SEMA3D: variants seen among roughly 807,000 people sequenced by gnomAD.
SEMA3D encodes the protein semaphorin-3D.
SEMA3D carries 84 observed loss-of-function variants against 100.1 expected under a neutral mutation model. The observed-to-expected ratio is 0.84, with a 90% confidence interval of 0.70 to 1.01. SEMA3D has a LOEUF of 1.01. Among genes scored for constraint, SEMA3D ranks in the 50% least tolerant of loss-of-function variants. The pLI is 0.00. For synonymous variants in SEMA3D, 312 were observed against 320.7 expected (o/e 0.97, Z 0.29); for missense variants, 875 against 934.1 (o/e 0.94, Z 0.82).
In SEMA3D at chr7:84,999,129, G is replaced by T. The variant is rs559187786; in HGVS notation, c.*311C>A. On this transcript the variant is annotated 3_prime_UTR_variant, in exon 19 of 19. Coordinates refer to ENST00000284136, the MANE Select transcript of SEMA3D (RefSeq NM_001384900.1). ...CACCTTATACACTATCAAATTCGGG[G>T]CTTGCTTAGCTCAACTATTTACATG... The T allele has an allele frequency of 1.7e-4, 60 of 350,108 alleles. No individual in the cohort carries two copies. The highest frequency in any genetic ancestry group is 5.2e-4 in the South Asian group (14 of 26,986). The allele number at this position is 350,108 out of a possible 1,614,324, so 21.7% of individuals were successfully genotyped here.
At chr7:85,226,977 G>T in the SEMA3D span, among the ~76,000 whole-genome samples, 1 of 152,122 alleles carries the variant, frequency 6.6e-6, no homozygotes, top group South Asian at 2.1e-4. Flanking sequence ...TAAGCGCAAT[G>T]ACCTTTATGT....
chr7:85,174,616 C>A (rs1457234353), intron 1 of SEMA3D, among the ~76,000 whole-genome samples: 2 of 152,068 alleles, frequency 1.3e-5, no homozygotes, highest in Non-Finnish European at 2.9e-5. Context: ...CCTTGAGAAA[C>A]AATCTTGTGG....
chr7:85,179,980 A>G (rs1352202261), intron 1 of SEMA3D, among the ~76,000 whole-genome samples: 1 of 152,158 alleles, frequency 6.6e-6, no homozygotes, highest in East Asian at 1.9e-4. Flanking sequence ...CTTTTGAGTT[A>G]ATGCTGAAAT....
the SEMA3D span, among the ~76,000 whole-genome samples, chr7:85,243,206 T>C: frequency 6.6e-6 from 1 of 152,192 alleles, no homozygotes; most frequent in Admixed American, 6.5e-5. Flanking sequence ...AAGCCTTGTT[T>C]ATGGGGACAG....
At chr7:85,235,151 T>C in the SEMA3D span, among the ~76,000 whole-genome samples, 2 of 152,292 alleles carry the variant, frequency 1.3e-5, no homozygotes, top group South Asian at 2.1e-4. Context: ...GGTATTATTT[T>C]CCCTTTCTAG....
the SEMA3D span, among the ~76,000 whole-genome samples, chr7:85,228,300 G>T: frequency 2.6e-5 from 4 of 152,018 alleles, no homozygotes; most frequent in Non-Finnish European, 4.4e-5. Flanking sequence ...GATAAAAATC[G>T]CGAAAGAAAC....
chr7:85,008,524 C>G (rs1789863471), intron 17 of SEMA3D, among the ~76,000 whole-genome samples: 1 of 151,736 alleles, frequency 6.6e-6, no homozygotes, highest in Admixed American at 6.6e-5. Flanking sequence ...ATTATATACA[C>G]ATACACACAC....
intron 3 of SEMA3D, among the ~76,000 whole-genome samples, chr7:85,113,382 A>G (rs1789148211): frequency 6.6e-6 from 1 of 152,100 alleles, no homozygotes. Context: ...CCAAGCTCCT[A>G]TGGATTCAGA....
At chr7:85,103,234 T>C (rs779119039) in intron 3 of SEMA3D, among the ~76,000 whole-genome samples, 4 of 152,000 alleles carry the variant, frequency 2.6e-5, no homozygotes, top group Non-Finnish European at 4.4e-5. Context: ...AGAGCCTGTA[T>C]CTTAACACGT....
Position 85,018,906 on chromosome 7 carries a change from TA to T in SEMA3D, c.1504-614del, listed in dbSNP as rs1428849340. 2.0e-5 allele frequency among the ~76,000 whole-genome samples: 3 copies of T among 151,706 alleles called. No homozygotes were observed. The East Asian group carries it at 5.8e-4, about 30-fold the overall frequency. ...ACAAACTAAAAAGGACAAGATGGCTTAAAAAATTTTCCATCTACCTATCATC... is the reference window on the plus strand; with the variant it reads ...ACAAACTAAAAAGGACAAGATGGCTTAAAAATTTTCCATCTACCTATCATC... On this transcript the variant is annotated intron_variant, in intron 14 of 18. Coordinates refer to ENST00000284136, the MANE Select transcript of SEMA3D (RefSeq NM_001384900.1).
At chr7:85,167,307 G>T in intron 1 of SEMA3D, 5 of 984,492 alleles carry the variant, frequency 5.1e-6, no homozygotes, top group Non-Finnish European at 6.0e-6. Flanking sequence ...CTGGAAATAT[G>T]CAGAACAGTC....
intron 3 of SEMA3D, 33 bp from the exon 4 acceptor site, chr7:85,097,998 A>C (rs745558205): frequency 8.2e-7 from 1 of 1,215,602 alleles, no homozygotes; most frequent in South Asian, 2.1e-5. Context: ...AGAAAGGAGA[A>C]AGAAAAAAGA....
chr7:85,224,205 C>A, the SEMA3D span, among the ~76,000 whole-genome samples: 3 of 152,056 alleles, frequency 2.0e-5, no homozygotes, highest in African/African-American at 7.2e-5. Flanking sequence ...TATAAAATTG[C>A]CGAATATTAG....
Position 85,106,385 on chromosome 7 carries a change from T to C in SEMA3D, c.152-8420A>G, listed in dbSNP as rs148675261. Among the ~76,000 whole-genome samples, 361 of 152,156 alleles carry C rather than the reference T, an allele frequency of 2.4e-3. 3 individuals are homozygous for C. The highest frequency in any genetic ancestry group is 8.4e-3 in the African/African-American group (347 of 41,548). ...CTTAACTTAATACAACATCTATTATTGACTCCAAGTAATAGACAAATACGA... is the reference window on the plus strand; with the variant it reads ...CTTAACTTAATACAACATCTATTATCGACTCCAAGTAATAGACAAATACGA... On this transcript the variant is annotated intron_variant, in intron 3 of 18. Transcript: ENST00000284136.
chr7:85,125,035 G>A (rs1048290713), intron 2 of SEMA3D, among the ~76,000 whole-genome samples: 5 of 151,840 alleles, frequency 3.3e-5, no homozygotes, highest in Admixed American at 2.0e-4. Flanking sequence ...TCACAGCTGT[G>A]GCATACAAAC....
At chr7:85,143,859 C>T (rs552629708) in intron 2 of SEMA3D, among the ~76,000 whole-genome samples, 16 of 151,642 alleles carry the variant, frequency 1.1e-4, no homozygotes, top group Middle Eastern at 3.4e-3. Context: ...CACAGGCATG[C>T]GCCACCACAC....
the SEMA3D span, among the ~76,000 whole-genome samples, chr7:85,194,255 T>G: frequency 6.6e-6 from 1 of 152,104 alleles, no homozygotes; most frequent in Non-Finnish European, 1.5e-5. Context: ...AAAGTAGTGG[T>G]GAGAGGAGAT....
chr7:85,018,431 T>A (rs1790165635), intron 14 of SEMA3D, 138 bp from the exon 15 acceptor site: 1 of 615,286 alleles, frequency 1.6e-6, no homozygotes, highest in South Asian at 2.1e-5. Flanking sequence ...AAGTTCTTAT[T>A]GTTTGCTATT....
chr7:85,099,022 G>A (rs1440308308), intron 3 of SEMA3D, among the ~76,000 whole-genome samples: 1 of 151,852 alleles, frequency 6.6e-6, no homozygotes, highest in Non-Finnish European at 1.5e-5. Flanking sequence ...CTTTATTAGT[G>A]CTAATATTTT....
Sources: allele counts gnomAD v4.1 joint callset (sites outside exome capture counted in the v4.1 genomes callset), GRCh38; gene constraint gnomAD v4.1.1; transcripts MANE v1.5; gene names NCBI Gene and HGNC (gene_info 2026-07-23, HGNC 2026-07-21).